The following RILPL1 variants were observed in gnomAD, a reference collection of about 807,000 sequenced individuals.
The protein encoded by RILPL1 is RILP-like protein 1.
Under a neutral mutation model 50.3 loss-of-function variants are expected in RILPL1, and 33 were observed. That is an observed-to-expected ratio of 0.66 (90% confidence interval 0.50 to 0.88). The LOEUF (loss-of-function observed/expected upper bound fraction) is 0.88, where lower values mean the gene tolerates loss of function less well. Ranked by LOEUF, RILPL1 falls within the 40% of genes least tolerant of loss-of-function variation. RILPL1 has a pLI of 0.00. For synonymous variants in RILPL1, 205 were observed against 228.6 expected (o/e 0.90, Z 0.93); for missense variants, 418 against 542.5 (o/e 0.77, Z 2.28).
chr12:123,476,301 C>T (rs377096891), intron 6 of RILPL1, among the ~76,000 whole-genome samples: 1,967 of 126,392 alleles, frequency 0.016, 43 homozygotes, highest in Admixed American at 0.041. Flanking sequence ...ATTAGCCGGG[C>T]GTGGTGGCGC....
chr12:123,482,667 G>A (rs1467269528), intron 6 of RILPL1, among the ~76,000 whole-genome samples: 2 of 148,480 alleles, frequency 1.3e-5, no homozygotes, highest in East Asian at 3.9e-4. Flanking sequence ...CACCCTAGCT[G>A]GAGTGCAGTG....
intron 2 of RILPL1, among the ~76,000 whole-genome samples, chr12:123,503,186 CTTTTTTTTT>C (rs373514624): frequency 6.2e-5 from 5 of 80,738 alleles, no homozygotes; most frequent in Middle Eastern, 0.011. Context: ...CACGCCTGGC[CTTTTTTTTT>C]TTTTTTTTTT....
chr12:123,483,637 G>C (rs941215668), intron 6 of RILPL1, among the ~76,000 whole-genome samples: 1 of 152,130 alleles, frequency 6.6e-6, no homozygotes, highest in African/African-American at 2.4e-5. Flanking sequence ...TTAAAGTCTA[G>C]TTGAGGGCAG....
At position 123,485,832 on chromosome 12, in the gene RILPL1, G is replaced by T; in HGVS notation, c.802-27C>A. Reference sequence around the variant, plus strand: ...TGGAGGAGGCAGAGATGCTGCTAATGAATTCTTGGCAGCCACTGCCAGCAC... The same window carrying T: ...TGGAGGAGGCAGAGATGCTGCTAATTAATTCTTGGCAGCCACTGCCAGCAC... On this transcript the variant is annotated intron_variant, in intron 4 of 6. Transcript: ENST00000376874. The surrounding 1 kb of genome is among the most constrained non-coding windows in gnomAD (Gnocchi z 4.0). 1 of 1,578,232 alleles carries T rather than the reference G, an allele frequency of 6.3e-7. No individual in the cohort carries two copies.
At chr12:123,501,967 C>T (rs1056273821) in intron 2 of RILPL1, among the ~76,000 whole-genome samples, 2 of 150,438 alleles carry the variant, frequency 1.3e-5, no homozygotes, top group African/African-American at 2.5e-5. Context: ...CCCAGCTACT[C>T]GGGAGGCTGA....
At chr12:123,481,688 C>T (rs1398966038) in intron 6 of RILPL1, among the ~76,000 whole-genome samples, 1 of 151,818 alleles carries the variant, frequency 6.6e-6, no homozygotes, top group East Asian at 1.9e-4. Context: ...TCCCAAGTAG[C>T]TGGGATTACA....
At chr12:123,492,623 C>A (rs180974969) in intron 4 of RILPL1, among the ~76,000 whole-genome samples, 2 of 152,292 alleles carry the variant, frequency 1.3e-5, no homozygotes, top group Non-Finnish European at 2.9e-5. Context: ...TTAGAAAGAA[C>A]TGCATGGCAA....
chr12:123,519,291 C>G (rs1318994893), intron 2 of RILPL1: 1 of 152,104 alleles, frequency 6.6e-6, no homozygotes, highest in East Asian at 1.9e-4. Context: ...ACCCCATCCC[C>G]CGGCGCGATG....
chr12:123,514,865 TTA>T (rs550257573), intron 2 of RILPL1, among the ~76,000 whole-genome samples: 215 of 152,320 alleles, frequency 1.4e-3, no homozygotes, highest in African/African-American at 5.1e-3. Flanking sequence ...TTTAAAATTG[TTA>T]TCTGTATATT....
chr12:123,528,015 C>T (rs1885319708), intron 1 of RILPL1, among the ~76,000 whole-genome samples: 1 of 152,156 alleles, frequency 6.6e-6, no homozygotes, highest in Admixed American at 6.6e-5. Flanking sequence ...TACACATATG[C>T]CTCCATAATA....
chr12:123,525,146 TAATA>T (rs1023701742), intron 1 of RILPL1, among the ~76,000 whole-genome samples: 47 of 151,200 alleles, frequency 3.1e-4, no homozygotes, highest in Admixed American at 1.3e-3. Flanking sequence ...AAAATAATAA[TAATA>T]AATAAAATAA....
At chr12:123,523,843 G>A (rs1178351180) in intron 1 of RILPL1, among the ~76,000 whole-genome samples, 198 bp from the exon 2 acceptor site, 1 of 152,254 alleles carries the variant, frequency 6.6e-6, no homozygotes, top group Middle Eastern at 3.2e-3. Context: ...TGGGGCAGAT[G>A]CCTGCGTTTA....
intron 6 of RILPL1, among the ~76,000 whole-genome samples, chr12:123,481,758 T>C (rs1328842455): frequency 6.6e-6 from 1 of 151,764 alleles, no homozygotes; most frequent in African/African-American, 2.4e-5. Context: ...GGTTTCTCCG[T>C]ATTGGTCAGG....
chr12:123,507,214 C>T (rs1369359518), intron 2 of RILPL1, among the ~76,000 whole-genome samples: 1 of 152,106 alleles, frequency 6.6e-6, no homozygotes, highest in Admixed American at 6.6e-5. Flanking sequence ...TGCCCACATG[C>T]CTCAGGAGGA....
In RILPL1 at chr12:123,476,298, G is replaced by A. The variant is rs368849567; in HGVS notation, c.1068-3616C>T. ...NNTACTAAAAATACAAAAATTAGCC[G>A]GGCGTGGTGGCGCATGCCTGTAATC... On this transcript the variant is annotated intron_variant, in intron 6 of 6. Coordinates refer to ENST00000376874, the MANE Select transcript of RILPL1 (RefSeq NM_178314.5). Among the ~76,000 whole-genome samples, 139 of 123,746 alleles carry A rather than the reference G, an allele frequency of 1.1e-3. 1 individual carries two copies. The Middle Eastern group carries it at 0.015, about 13-fold the overall frequency. The allele number at this position is 123,746 out of a possible 152,430, so 81.2% of individuals were successfully genotyped here.
chr12:123,511,626 GGTGTGTGAGGTCTGT>G (rs1884226430), intron 2 of RILPL1, among the ~76,000 whole-genome samples: 4 of 140,124 alleles, frequency 2.9e-5, no homozygotes, highest in African/African-American at 8.0e-5. Context: ...GTCTGTGTGT[GGTGTGTGAGGTCTGT>G]GTGTGTGAGA....
rs184039856 is a variant in RILPL1 at position 123,481,370 on chromosome 12, A to G, written c.1067+2810T>C. Among the ~76,000 whole-genome samples, 1,284 of 151,636 alleles carry G rather than the reference A, an allele frequency of 8.5e-3. 17 individuals are homozygous for G. The highest frequency in any genetic ancestry group is 0.029 in the African/African-American group (1,219 of 41,368). ...TGAGACTCCCTCTCAAAAAAAAAAA[A>G]AAAGAAAGAAAGAAAATGAAACCTG... is the stretch of plus-strand genomic sequence containing the variant. On this transcript the variant is annotated intron_variant, in intron 6 of 6. Transcript: ENST00000376874.
chr12:123,504,336 G>A (rs768928120), intron 2 of RILPL1, among the ~76,000 whole-genome samples: 2 of 151,956 alleles, frequency 1.3e-5, no homozygotes, highest in Admixed American at 6.6e-5. Context: ...CCCCGGGTGC[G>A]CCATTGCATC....
chr12:123,506,811 C>T (rs1218469426), intron 2 of RILPL1, among the ~76,000 whole-genome samples: 1 of 152,112 alleles, frequency 6.6e-6, no homozygotes, highest in African/African-American at 2.4e-5. Flanking sequence ...AGCCATGAAA[C>T]TGGATGGTGC....
Sources: allele counts gnomAD v4.1 joint callset (sites outside exome capture counted in the v4.1 genomes callset), GRCh38; gene constraint gnomAD v4.1.1; non-coding constraint Gnocchi (gnomAD v3.1); transcripts MANE v1.5; gene names NCBI Gene and HGNC (gene_info 2026-07-23, HGNC 2026-07-21).